The following REV3L variants were observed in gnomAD, a reference collection of about 807,000 sequenced individuals.
The protein encoded by REV3L is REV3 like, DNA directed polymerase zeta catalytic subunit.
REV3L carries 69 observed loss-of-function variants against 299.4 expected under a neutral mutation model. The ratio of observed to expected loss-of-function variants is 0.23; its 90% CI spans 0.19 to 0.28. The LOEUF (loss-of-function observed/expected upper bound fraction) is 0.28. Among genes scored for constraint, REV3L ranks in the 10% least tolerant of loss-of-function variants. The pLI, the probability that REV3L is intolerant of heterozygous loss-of-function variation, is 1.00. For missense variants in REV3L, 3,128 were observed against 3,693.8 expected, an observed-to-expected ratio of 0.85 and a Z score of 3.97; for synonymous variants, 1,238 against 1,271.4, an observed-to-expected ratio of 0.97 and a Z score of 0.56.
chr6:111,362,074 C>T (rs969762994), intron 16 of REV3L, among the ~76,000 whole-genome samples: 1 of 152,142 alleles, frequency 6.6e-6, no homozygotes, highest in Non-Finnish European at 1.5e-5. Context: ...TGCTTTAATA[C>T]ATATTTTTAA....
At chr6:111,356,745 AAGTT>A (rs976669880) in intron 18 of REV3L, 1 of 193,944 alleles carries the variant, frequency 5.2e-6, no homozygotes, top group African/African-American at 2.3e-5. Flanking sequence ...TACAACTGGG[AAGTT>A]AGTTAGAGGC....
chr6:111,375,692 T>C lies in REV3L; in HGVS notation c.2663A>G (p.Lys888Arg), dbSNP rs768271101. Residue 888 changes from lysine to arginine, a missense_variant, in exon 13 of 32, where the codon AAA becomes AGA. By Grantham distance (26) the Lys-to-Arg change is conservative. Transcript: ENST00000368802. ...TKTTRGAFEN[K>R]TPTDGFIDCH... The stretch of plus-strand genomic sequence containing the variant: ...GTCTATAAAACCATCTGTGGGTGTT[T>C]TATTTTCAAAAGCTCCACGAGTGGT... The C allele has an allele frequency of 1.2e-6, 2 of 1,614,050 alleles. No homozygotes were observed. Among genetic ancestry groups the C allele is most frequent in the South Asian group, 1.1e-5 (1 of 91,080 alleles).
At chr6:111,325,440 C>G (rs1774674660) in intron 25 of REV3L, among the ~76,000 whole-genome samples, 1 of 152,190 alleles carries the variant, frequency 6.6e-6, no homozygotes, top group Non-Finnish European at 1.5e-5. Context: ...TTGTCTTTCT[C>G]TATGATGGTA....
intron 16 of REV3L, among the ~76,000 whole-genome samples, chr6:111,360,149 T>C (rs962811339): frequency 2.6e-5 from 4 of 152,160 alleles, no homozygotes; most frequent in African/African-American, 9.7e-5. Context: ...ATACACACAA[T>C]GGAATATTCT....
intron 7 of REV3L, 63 bp downstream of exon 7, chr6:111,389,043 G>T: frequency 8.0e-7 from 1 of 1,244,986 alleles, no homozygotes; most frequent in Non-Finnish European, 1.2e-6. Flanking sequence ...ACAACTCAAT[G>T]ACAAACTTTT....
Position 111,375,298 on chromosome 6 carries a change from A to C in REV3L, c.3057T>G (p.Pro1019=), listed in dbSNP as rs762587136. 6.3e-7 allele frequency: 1 copy of C among 1,594,662 alleles called. No individual in the cohort carries two copies. The highest frequency in any genetic ancestry group is 1.4e-5 in the African/African-American group (1 of 73,304). The change falls in exon 13 of 32, where the codon CCT becomes CCG. Residue 1019 remains proline (P), a synonymous_variant. Transcript: ENST00000368802. ...GAACTTTTGGCCAAAAGTCCTTCAA[A>C]GGTGCAAGCTTTTTATATAGTTCCA... ...EKMELYKKLA[P]LKDFWPKVPD...
chr6:111,324,627 C>G (rs563586575), intron 25 of REV3L, among the ~76,000 whole-genome samples: 1 of 152,174 alleles, frequency 6.6e-6, no homozygotes, highest in East Asian at 1.9e-4. Context: ...AGTTATACCC[C>G]AAAGAGTCAG....
At chr6:111,370,980 T>C (rs553909212) in intron 13 of REV3L, among the ~76,000 whole-genome samples, 24 of 152,202 alleles carry the variant, frequency 1.6e-4, no homozygotes, top group South Asian at 4.1e-4. Context: ...TTTTTTTTTT[T>C]CCCACTGGAG....
chr6:111,482,806 G>T lies in REV3L; in HGVS notation c.83C>A (p.Thr28Asn). ...QGLDTCQSPL[T>N]QAPVKKVPVV... Reference sequence around the variant, plus strand: ...CGGCACCTTCTTGACAGGGGCCTGGGTGAGGGGGGATTGGCAGGTATCCAG... The same window carrying T: ...CGGCACCTTCTTGACAGGGGCCTGGTTGAGGGGGGATTGGCAGGTATCCAG... Residue 28 changes from threonine to asparagine, a missense_variant, in exon 1 of 32, where the codon ACC (threonine) becomes AAC (asparagine). By Grantham distance (65) the Thr-to-Asn change is moderately conservative. Transcript: ENST00000368802. 6.6e-7 allele frequency: 1 copy of T among 1,510,478 alleles called. No individual in the cohort carries two copies. Among genetic ancestry groups the T allele is most frequent in the African/African-American group, 1.5e-5 (1 of 68,846 alleles). 93.6% of individuals were successfully genotyped at this position (1,510,478 alleles called of 1,614,324 possible). A position where few individuals can be genotyped will look rare whatever the true frequency, so the allele number is the denominator to read the frequency against.
chr6:111,368,411 T>C (rs1409869087), intron 13 of REV3L, among the ~76,000 whole-genome samples: 3 of 152,232 alleles, frequency 2.0e-5, no homozygotes, highest in Non-Finnish European at 4.4e-5. Flanking sequence ...GAATTTATCA[T>C]TCAAATACTA....
intron 31 of REV3L, 23 bp from the exon 32 acceptor site, chr6:111,300,179 AAAAAT>A (rs151154585): frequency 0.039 from 60,915 of 1,548,298 alleles, 1,496 homozygotes; most frequent in Middle Eastern, 0.096. Context: ...GAGAAATACA[AAAAAT>A]AATAGGAAAG....
chr6:111,394,032 T>C (rs1481447985), intron 4 of REV3L, among the ~76,000 whole-genome samples: 1 of 152,214 alleles, frequency 6.6e-6, no homozygotes, highest in Non-Finnish European at 1.5e-5. Flanking sequence ...ATTCATCCAC[T>C]GATGTGCACT....
chr6:111,395,552 A>T (rs1782401298), intron 4 of REV3L, among the ~76,000 whole-genome samples: 1 of 151,522 alleles, frequency 6.6e-6, no homozygotes, highest in Non-Finnish European at 1.5e-5. Flanking sequence ...TGTGGGTTTT[A>T]AAAAAAAATC....
In REV3L at chr6:111,483,007, C is replaced by T. The variant is rs1793960701; in HGVS notation, c.-119G>A. ...CTCCCCTTCTCGGCACGGCCCCCTCCCCTCACACAGAGGCACCTCGAGGAG... is the reference window on the plus strand; with the variant it reads ...CTCCCCTTCTCGGCACGGCCCCCTCTCCTCACACAGAGGCACCTCGAGGAG... On this transcript the variant is annotated 5_prime_UTR_variant, in exon 1 of 32. Coordinates refer to ENST00000368802, the MANE Select transcript of REV3L (RefSeq NM_001372078.1). 8 of 1,242,236 alleles carry T rather than the reference C, an allele frequency of 6.4e-6. No individual in the cohort carries two copies. In the South Asian group the frequency reaches 8.3e-5, roughly 13 times the overall value. 77.0% of individuals were successfully genotyped at this position (1,242,236 alleles called of 1,614,324 possible).
At chr6:111,481,913 T>C (rs1793727071) in intron 1 of REV3L, among the ~76,000 whole-genome samples, 1 of 152,190 alleles carries the variant, frequency 6.6e-6, no homozygotes, top group Non-Finnish European at 1.5e-5. Context: ...AAAAAATATA[T>C]ACCTGTACTT....
chr6:111,385,757 ACTC>A (rs1352730238), intron 9 of REV3L, among the ~76,000 whole-genome samples: 3 of 152,148 alleles, frequency 2.0e-5, no homozygotes, highest in Non-Finnish European at 4.4e-5. Context: ...AATATGAAGA[ACTC>A]CTACAAATAA....
At chr6:111,412,173 A>C (rs1345786396) in intron 2 of REV3L, 1 of 985,304 alleles carries the variant, frequency 1.0e-6, no homozygotes, top group African/African-American at 1.7e-5. Context: ...TGTAACACAC[A>C]ACCATATCAA....
In REV3L at chr6:111,483,006, C is replaced by T; in HGVS notation, c.-118G>A. The T allele has an allele frequency of 1.6e-6, 2 of 1,248,294 alleles. No homozygotes were observed. Among genetic ancestry groups the T allele is most frequent in the Non-Finnish European group, 2.1e-6 (2 of 960,818 alleles). The allele number at this position is 1,248,294 out of a possible 1,614,324, so 77.3% of individuals were successfully genotyped here. On this transcript the variant is annotated 5_prime_UTR_variant, in exon 1 of 32. Coordinates refer to ENST00000368802, the MANE Select transcript of REV3L (RefSeq NM_001372078.1). ...CCTCCCCTTCTCGGCACGGCCCCCT[C>T]CCCTCACACAGAGGCACCTCGAGGA... is the stretch of plus-strand genomic sequence containing the variant.
intron 1 of REV3L, among the ~76,000 whole-genome samples, chr6:111,440,248 T>C (rs538353940): frequency 6.6e-6 from 1 of 152,252 alleles, no homozygotes; most frequent in Non-Finnish European, 1.5e-5. Context: ...TTTGTATTTT[T>C]AGTAGAGACG....
Sources: allele counts gnomAD v4.1 joint callset (sites outside exome capture counted in the v4.1 genomes callset), GRCh38; gene constraint gnomAD v4.1.1; transcripts MANE v1.5; gene names NCBI Gene and HGNC (gene_info 2026-07-23, HGNC 2026-07-21).